The following FAAH2 variants were observed in gnomAD, a reference collection of about 807,000 sequenced individuals.
FAAH2 encodes fatty acid amide hydrolase 2, also known as fatty-acid amide hydrolase 2.
Under a neutral mutation model 36.9 loss-of-function variants are expected in FAAH2, and 60 were observed. The ratio of observed to expected loss-of-function variants is 1.63; its 90% CI spans 1.32 to 2.02. FAAH2 has a LOEUF of 2.02. Among genes scored for constraint, FAAH2 ranks in the 30% most tolerant of loss-of-function variants. FAAH2 has a pLI of 0.00. For missense variants in FAAH2, 689 were observed against 397.5 expected (o/e 1.73, Z -6.23); for synonymous variants, 214 against 143.8 (o/e 1.49, Z -3.49).
At chrX:57,242,013 C>T in the FAAH2 span, among the ~76,000 whole-genome samples, 1 of 112,302 alleles carries the variant, frequency 8.9e-6, no homozygotes, top group Non-Finnish European at 1.9e-5. Flanking sequence ...GTGGGCGCAG[C>T]TTCAGCAGAC....
chrX:57,331,537 A>G, intron 3 of FAAH2, 61 bp from the exon 4 acceptor site: 2 of 1,035,305 alleles, frequency 1.9e-6, no homozygotes, highest in African/African-American at 3.8e-5. Flanking sequence ...CTTGCCCCTC[A>G]GGAGAAAACA....
chrX:57,464,699 G>T (rs4826562), intron 10 of FAAH2, among the ~76,000 whole-genome samples: 7 of 109,054 alleles, frequency 6.4e-5, no homozygotes, highest in Non-Finnish European at 1.3e-4. Context: ...ACAAATCAAC[G>T]TGCAAAAAAG....
chrX:57,191,587 C>T, the FAAH2 span, among the ~76,000 whole-genome samples: 19 of 111,604 alleles, frequency 1.7e-4, no homozygotes, highest in Non-Finnish European at 3.0e-4. Context: ...GGAGAATTTC[C>T]CCAAAGTTTT....
intron 8 of FAAH2, 86 bp downstream of exon 8, chrX:57,432,123 G>C (rs1236226415): frequency 7.1e-6 from 6 of 842,351 alleles, no homozygotes; most frequent in African/African-American, 2.1e-5. Flanking sequence ...TAGAGGTGTA[G>C]AGAAAAGAAA....
chrX:57,223,073 C>T, the FAAH2 span, among the ~76,000 whole-genome samples: 1 of 112,368 alleles, frequency 8.9e-6, no homozygotes, highest in African/African-American at 3.2e-5. Flanking sequence ...ATAGTGTACT[C>T]ACACTCGTCC....
chrX:57,391,233 G>A (rs768582021), intron 7 of FAAH2, among the ~76,000 whole-genome samples: 3 of 110,557 alleles, frequency 2.7e-5, no homozygotes, highest in Admixed American at 9.6e-5. Flanking sequence ...ATTTTCAGAG[G>A]CATAATTTGC....
rs758624222 is a variant in FAAH2 at position 57,419,258 on chromosome X, G to A, written c.997-12660G>A. Among the ~76,000 whole-genome samples, 30 of 110,603 alleles carry A rather than the reference G, an allele frequency of 2.7e-4. 1 individual carries two copies. The South Asian group carries it at 0.011, about 39-fold the overall frequency. On this transcript the variant is annotated intron_variant, in intron 7 of 10. Coordinates refer to ENST00000374900, the MANE Select transcript of FAAH2 (RefSeq NM_174912.4). ...AGTAATGGGATGGCTGGGTCAAATG[G>A]TATTTCTAGTTCTAGATCCCTGAGG...
intron 5 of FAAH2, among the ~76,000 whole-genome samples, chrX:57,355,404 A>G (rs986806994): frequency 3.6e-5 from 4 of 111,268 alleles, no homozygotes; most frequent in Non-Finnish European, 7.6e-5. Flanking sequence ...AGAATAAAAC[A>G]CATTTCTAAG....
chrX:57,164,733 G>A, the FAAH2 span, among the ~76,000 whole-genome samples: 2 of 112,445 alleles, frequency 1.8e-5, no homozygotes, highest in African/African-American at 6.5e-5. Context: ...TTTTGCAGTG[G>A]CATTTCTGGG....
chrX:57,367,867 G>T (rs1490057752), intron 5 of FAAH2, among the ~76,000 whole-genome samples: 1 of 111,764 alleles, frequency 8.9e-6, no homozygotes, highest in Non-Finnish European at 1.9e-5. Context: ...ATTTCACACA[G>T]CTGCATTGTT....
chrX:57,245,712 G>T, the FAAH2 span, among the ~76,000 whole-genome samples: 2 of 112,447 alleles, frequency 1.8e-5, no homozygotes, highest in Non-Finnish European at 3.8e-5. Flanking sequence ...GAATCTGTGG[G>T]ACACAGCTAC....
chrX:57,199,902 T>C, the FAAH2 span, among the ~76,000 whole-genome samples: 4 of 112,054 alleles, frequency 3.6e-5, no homozygotes, highest in Middle Eastern at 4.2e-3. Context: ...TATAAATGTA[T>C]GTACTTCCTC....
chrX:57,406,043 G>A, intron 7 of FAAH2, among the ~76,000 whole-genome samples: 1 of 110,123 alleles, frequency 9.1e-6, no homozygotes, highest in South Asian at 4.0e-4. Flanking sequence ...CAGAGTTCTT[G>A]CACTGGTTCC....
the FAAH2 span, among the ~76,000 whole-genome samples, chrX:57,180,842 C>G: frequency 9.0e-6 from 1 of 111,364 alleles, no homozygotes; most frequent in Non-Finnish European, 1.9e-5. Context: ...ACAAAAGAGA[C>G]AACTTCAGGC....
chrX:57,324,341 A>G (rs1454251280), intron 3 of FAAH2, among the ~76,000 whole-genome samples: 4 of 112,008 alleles, frequency 3.6e-5, no homozygotes, highest in Non-Finnish European at 7.5e-5. Flanking sequence ...TTGGTTCCAC[A>G]TGAACTTTAA....
At chrX:57,283,059 T>C (rs777755799), upstream of FAAH2, among the ~76,000 whole-genome samples, 52 of 111,691 alleles carry the variant, frequency 4.7e-4, no homozygotes, top group African/African-American at 1.7e-3. Context: ...CAGTCAAGGG[T>C]GGGGCAGCTG....
chrX:57,123,834 A>T, the FAAH2 span, among the ~76,000 whole-genome samples: 1 of 111,925 alleles, frequency 8.9e-6, no homozygotes, highest in Non-Finnish European at 1.9e-5. Flanking sequence ...TCCTTTGCCC[A>T]CTTTTTGATG....
At chrX:57,187,958 G>A in the FAAH2 span, among the ~76,000 whole-genome samples, 2 of 111,669 alleles carry the variant, frequency 1.8e-5, no homozygotes, top group South Asian at 7.5e-4. Flanking sequence ...GCTAGATTTG[G>A]TTTACTAGTA....
At chrX:57,152,816 G>A in the FAAH2 span, among the ~76,000 whole-genome samples, 9 of 111,007 alleles carry the variant, frequency 8.1e-5, no homozygotes, top group East Asian at 2.8e-4. Context: ...AGATGAACCC[G>A]GTACCTCAGA....
Sources: gnomAD v4.1 joint callset for allele counts (sites outside exome capture counted in the v4.1 genomes callset) on GRCh38, gnomAD v4.1.1 for gene constraint, MANE v1.5 for transcripts, NCBI Gene and HGNC (gene_info 2026-07-23, HGNC 2026-07-21) for gene names.